CFAP100: variants seen among roughly 807,000 people sequenced by gnomAD.
CFAP100 encodes cilia- and flagella-associated protein 100.
CFAP100 carries 70 observed loss-of-function variants against 81.5 expected under a neutral mutation model. That is an observed-to-expected ratio of 0.86 (90% CI 0.71 to 1.05). The LOEUF (loss-of-function observed/expected upper bound fraction) is 1.05. Ranked by LOEUF, CFAP100 falls within the 50% of genes least tolerant of loss-of-function variation. The probability of loss-of-function intolerance (pLI) is 0.00; values close to 1 mark genes in which losing one functional copy is unlikely to be tolerated. For missense variants in CFAP100, 811 were observed against 776.5 expected, an observed-to-expected ratio of 1.04 and a Z score of -0.53; for synonymous variants, 341 against 314.8, an observed-to-expected ratio of 1.08 and a Z score of -0.88.
chr3:126,431,347 T>C (rs887520255), intron 13 of CFAP100, among the ~76,000 whole-genome samples: 1 of 152,244 alleles, frequency 6.6e-6, no homozygotes, highest in African/African-American at 2.4e-5. Flanking sequence ...AATGGGCCTC[T>C]TGGGAAATAC....
chr3:126,403,910 T>C (rs551274835), intron 2 of CFAP100, among the ~76,000 whole-genome samples: 1 of 152,324 alleles, frequency 6.6e-6, no homozygotes, highest in Non-Finnish European at 1.5e-5. Flanking sequence ...AGCATTTCAT[T>C]AAGCAAAAGT....
chr3:126,431,333 G>C (rs1240033921), intron 13 of CFAP100, among the ~76,000 whole-genome samples: 1 of 152,198 alleles, frequency 6.6e-6, no homozygotes, highest in East Asian at 1.9e-4. Flanking sequence ...AGAGATGAGA[G>C]AGAAATGGGC....
chr3:126,403,133 T>C (rs2083011783), intron 2 of CFAP100, among the ~76,000 whole-genome samples: 1 of 152,056 alleles, frequency 6.6e-6, no homozygotes, highest in Non-Finnish European at 1.5e-5. Flanking sequence ...GTCAGTGTCC[T>C]GTGGGAAACT....
At position 126,433,927 on chromosome 3, in the gene CFAP100, C is replaced by CTGGTG; in HGVS notation, c.1423-249_1423-248insTGGTG. The CTGGTG allele has an allele frequency of 1.2e-5, 6 of 508,608 alleles. No homozygotes were observed. The South Asian group carries it at 1.4e-4, about 12-fold the overall frequency. The allele number at this position is 508,608 out of a possible 1,614,324, so 31.5% of individuals were successfully genotyped here. The stretch of plus-strand genomic sequence containing the variant: ...AGGAGGGGACTGGGCCCCGTTGGCT[C>CTGGTG]ACCAGAGGCAGCTGGGAGAGGGGCT... On this transcript the variant is annotated intron_variant, in intron 14 of 16. Coordinates refer to ENST00000352312, the MANE Select transcript of CFAP100 (RefSeq NM_182628.3).
At chr3:126,407,373 C>T in intron 3 of CFAP100, 121 bp downstream of exon 3, 6 of 590,314 alleles carry the variant, frequency 1.0e-5, no homozygotes, top group Non-Finnish European at 1.8e-5. Context: ...GTTTCTCTTT[C>T]CATTAGGAAT....
At chr3:126,417,431 G>A (rs987891283) in intron 5 of CFAP100, among the ~76,000 whole-genome samples, 1 of 152,218 alleles carries the variant, frequency 6.6e-6, no homozygotes, top group Non-Finnish European at 1.5e-5. Flanking sequence ...GGGGATTAGA[G>A]GTGTACCATG....
At chr3:126,431,853 TTC>T (rs1316646239) in intron 13 of CFAP100, among the ~76,000 whole-genome samples, 1 of 152,146 alleles carries the variant, frequency 6.6e-6, no homozygotes, top group Non-Finnish European at 1.5e-5. Context: ...AAAATGAAGT[TTC>T]TGATTCAATA....
chr3:126,410,349 T>C (rs1224432752), intron 3 of CFAP100, among the ~76,000 whole-genome samples: 2 of 152,222 alleles, frequency 1.3e-5, no homozygotes, highest in African/African-American at 4.8e-5. Flanking sequence ...ACTTTTTGTT[T>C]TACTTTCACA....
At chr3:126,432,348 T>A (rs34296062) in intron 13 of CFAP100, among the ~76,000 whole-genome samples, 5 of 147,230 alleles carry the variant, frequency 3.4e-5, no homozygotes, top group African/African-American at 1.3e-4. Context: ...CCTAGATATA[T>A]ATTCGTGAGA....
intron 3 of CFAP100, among the ~76,000 whole-genome samples, chr3:126,407,748 A>T (rs780937904): frequency 6.6e-6 from 1 of 152,230 alleles, no homozygotes; most frequent in African/African-American, 2.4e-5. Context: ...ACATTCCAGC[A>T]GCTAAATTTG....
chr3:126,404,879 T>A (rs2083040748), intron 2 of CFAP100, among the ~76,000 whole-genome samples: 1 of 152,106 alleles, frequency 6.6e-6, no homozygotes, highest in African/African-American at 2.4e-5. Context: ...TTCACCATGT[T>A]GGCCAGGATG....
At chr3:126,395,915 A>T in intron 1 of CFAP100, 27 bp from the exon 2 acceptor site, 1 of 1,181,570 alleles carries the variant, frequency 8.5e-7, no homozygotes, top group Non-Finnish European at 1.3e-6. Flanking sequence ...GGGGACCACC[A>T]GGCTCAAGCA....
Position 126,419,976 on chromosome 3 carries a change from G to A in CFAP100, c.914-4G>A. The A allele has an allele frequency of 6.2e-7, 1 of 1,613,052 alleles. No homozygotes were observed. The highest frequency in any genetic ancestry group is 8.5e-7 in the Non-Finnish European group (1 of 1,179,954). On this transcript the variant is annotated splice_polypyrimidine_tract_variant and splice_region_variant and intron_variant, in intron 9 of 16. Coordinates refer to ENST00000352312, the MANE Select transcript of CFAP100 (RefSeq NM_182628.3). ...CATCGGGGCCCCCCCTTTGCTTCCT[G>A]CAGGACCAGGGATCAAGGGCAAGGC...
intron 13 of CFAP100, among the ~76,000 whole-genome samples, chr3:126,429,932 G>A (rs1372702667): frequency 5.9e-5 from 9 of 152,046 alleles, no homozygotes; most frequent in African/African-American, 1.7e-4. Flanking sequence ...GTTTTCCTGC[G>A]TATAGTATTC....
intron 1 of CFAP100, 79 bp from the exon 2 acceptor site, chr3:126,395,863 C>T (rs752116294): frequency 9.2e-5 from 63 of 687,166 alleles, no homozygotes; most frequent in Admixed American, 1.5e-4. Flanking sequence ...CAGCAAATGT[C>T]GGTGGCTGTC....
At chr3:126,418,277 A>T (rs2083273227) in intron 5 of CFAP100, 181 bp from the exon 6 acceptor site, 1 of 607,138 alleles carries the variant, frequency 1.6e-6, no homozygotes, top group East Asian at 2.8e-5. Flanking sequence ...TTTCAGGCAG[A>T]GCCTTCTCTC....
intron 15 of CFAP100, among the ~76,000 whole-genome samples, chr3:126,434,877 C>T (rs1281882946): frequency 1.3e-5 from 2 of 152,158 alleles, no homozygotes; most frequent in Admixed American, 6.5e-5. Context: ...AGTGCAGAGG[C>T]TCAGAGAGCC....
intron 11 of CFAP100, among the ~76,000 whole-genome samples, chr3:126,422,617 C>A (rs950141604): frequency 1.3e-5 from 2 of 152,138 alleles, no homozygotes; most frequent in Admixed American, 6.5e-5. Context: ...GGGGCCCACA[C>A]TGAGTGCTTA....
chr3:126,412,649 T>A (rs2083176440), intron 3 of CFAP100, among the ~76,000 whole-genome samples: 3 of 152,228 alleles, frequency 2.0e-5, no homozygotes, highest in African/African-American at 4.8e-5. Flanking sequence ...ATTTTTGGAA[T>A]GATTAGCCTC....
Sources: gnomAD v4.1 joint callset for allele counts (sites outside exome capture counted in the v4.1 genomes callset) on GRCh38, gnomAD v4.1.1 for gene constraint, MANE v1.5 for transcripts, NCBI Gene and HGNC (gene_info 2026-07-23, HGNC 2026-07-21) for gene names.